Variants in SLC35F4 observed in about 807,000 individuals in gnomAD.
The protein encoded by SLC35F4 is chromosome 14 open reading frame 36.
In SLC35F4, 24 loss-of-function variants were observed where a neutral mutation model predicts 44.2. The observed-to-expected ratio is 0.54, with a 90% CI of 0.39 to 0.76. SLC35F4 has a LOEUF of 0.76. Ranked by LOEUF, SLC35F4 falls within the 30% of genes least tolerant of loss-of-function variation. The pLI, the probability that SLC35F4 is intolerant of heterozygous loss-of-function variation, is 0.00. For missense variants in SLC35F4, 562 were observed against 586.1 expected (o/e 0.96, Z 0.42); for synonymous variants, 238 against 223.6 (o/e 1.06, Z -0.57).
chr14:57,837,398 A>G (rs1343931522), intron 1 of SLC35F4: 2 of 152,306 alleles, frequency 1.3e-5, no homozygotes, highest in East Asian at 3.9e-4. Context: ...GCCACTTTCA[A>G]ATTTCTTGAA....
intron 1 of SLC35F4, among the ~76,000 whole-genome samples, chr14:57,823,514 C>T (rs1883402219): frequency 6.6e-6 from 1 of 152,154 alleles, no homozygotes; most frequent in Admixed American, 6.6e-5. Flanking sequence ...ACGCAAAGCC[C>T]CTGAGGGGCC....
chr14:57,902,703 G>C (rs981008438), intron 1 of SLC35F4, among the ~76,000 whole-genome samples: 1 of 152,142 alleles, frequency 6.6e-6, no homozygotes, highest in Non-Finnish European at 1.5e-5. Context: ...ATAAATGTTA[G>C]AATTAAAAGA....
At chr14:57,899,389 C>T (rs60531498) in intron 1 of SLC35F4, among the ~76,000 whole-genome samples, 5,527 of 148,996 alleles carry the variant, frequency 0.037, 285 homozygotes, top group African/African-American at 0.11. Context: ...AGCAGTACTG[C>T]TCCAGGTGTG....
At chr14:57,848,556 A>T (rs1366964311) in intron 1 of SLC35F4, among the ~76,000 whole-genome samples, 1 of 152,218 alleles carries the variant, frequency 6.6e-6, no homozygotes, top group Non-Finnish European at 1.5e-5. Flanking sequence ...GATTAACGGT[A>T]GAGTCATCAT....
chr14:57,664,658 G>T (rs1016543704), intron 1 of SLC35F4, among the ~76,000 whole-genome samples: 1 of 152,102 alleles, frequency 6.6e-6, no homozygotes, highest in East Asian at 1.9e-4. Flanking sequence ...TAATCCACTT[G>T]CCTCGGCCTC....
intron 1 of SLC35F4, among the ~76,000 whole-genome samples, chr14:57,810,728 G>T (rs1255584987): frequency 1.3e-5 from 2 of 152,200 alleles, no homozygotes; most frequent in African/African-American, 4.8e-5. Flanking sequence ...ATGCAAAAAG[G>T]CCAGGCCTTA....
intron 1 of SLC35F4, among the ~76,000 whole-genome samples, chr14:57,687,194 T>G (rs1453366645): frequency 6.6e-6 from 1 of 152,214 alleles, no homozygotes; most frequent in East Asian, 1.9e-4. Flanking sequence ...CTCCCCAGTC[T>G]GTGATACTTT....
chr14:57,803,239 T>C (rs1004454263), intron 1 of SLC35F4, among the ~76,000 whole-genome samples: 16 of 152,160 alleles, frequency 1.1e-4, no homozygotes, highest in African/African-American at 3.6e-4. Flanking sequence ...AAAAGGCCTT[T>C]GATAAAATCA....
chr14:57,822,441 G>C (rs572926393), intron 1 of SLC35F4, among the ~76,000 whole-genome samples: 1 of 152,274 alleles, frequency 6.6e-6, no homozygotes, highest in African/African-American at 2.4e-5. Flanking sequence ...GACAGTTGCA[G>C]ACCTATGGGA....
At chr14:57,615,356 C>CTTTCT (rs1555361289) in intron 1 of SLC35F4, among the ~76,000 whole-genome samples, 62 of 20,980 alleles carry the variant, frequency 3.0e-3, no homozygotes, top group Middle Eastern at 0.029. Flanking sequence ...AAACATTTTC[C>CTTTCT]TTTTTTTTTT....
intron 1 of SLC35F4, among the ~76,000 whole-genome samples, chr14:57,600,075 T>G (rs2070725887): frequency 6.6e-6 from 1 of 152,166 alleles, no homozygotes; most frequent in African/African-American, 2.4e-5. Flanking sequence ...ACATCCAATA[T>G]TCTGTTTCTA....
At position 57,834,794 on chromosome 14, in the gene SLC35F4, C is replaced by T. The variant is rs113225828; in HGVS notation, c.103+30929G>A. On this transcript the variant is annotated intron_variant, in intron 1 of 7. Coordinates refer to ENST00000556826, the MANE Select transcript of SLC35F4 (RefSeq NM_001306087.2). ...TAACACTTTAGGAGGCCGAGGTAGG[C>T]GGATCACCTGAGGTCAGGAGTTCGA... Among the ~76,000 whole-genome samples the T allele has an allele frequency of 6.2e-4, 95 of 152,286 alleles. 2 individuals carry two copies. The highest frequency in any genetic ancestry group is 1.6e-3 in the African/African-American group (67 of 41,566).
intron 1 of SLC35F4, among the ~76,000 whole-genome samples, chr14:57,913,413 G>A (rs73298653): frequency 0.012 from 1,848 of 150,836 alleles, 37 homozygotes; most frequent in African/African-American, 0.043. Flanking sequence ...TTTTATTTCC[G>A]CCCCTTTCTT....
chr14:57,877,786 G>T (rs1299836348), intron 1 of SLC35F4, among the ~76,000 whole-genome samples: 2 of 137,830 alleles, frequency 1.5e-5, no homozygotes. Flanking sequence ...CTGGGTTCAA[G>T]CTATTCTTCT....
At chr14:57,893,877 A>G (rs532153063) in intron 1 of SLC35F4, among the ~76,000 whole-genome samples, 3 of 151,410 alleles carry the variant, frequency 2.0e-5, no homozygotes, top group East Asian at 1.9e-4. Context: ...GTATATCACA[A>G]TTCAAACCCC....
chr14:57,953,181 T>TTACG (rs377080589), intron 1 of SLC35F4, among the ~76,000 whole-genome samples: 1 of 152,036 alleles, frequency 6.6e-6, no homozygotes, highest in Non-Finnish European at 1.5e-5. Flanking sequence ...TCCAGACAAC[T>TTACG]AAGCTTCATA....
chr14:57,947,269 T>G (rs577039114), intron 1 of SLC35F4, among the ~76,000 whole-genome samples: 32 of 150,876 alleles, frequency 2.1e-4, no homozygotes, highest in African/African-American at 5.6e-4. Context: ...TTTTTTGGTT[T>G]GTTTGTTTGT....
chr14:57,949,920 T>C (rs1178098835), intron 1 of SLC35F4, among the ~76,000 whole-genome samples: 1 of 152,228 alleles, frequency 6.6e-6, no homozygotes, highest in South Asian at 2.1e-4. Flanking sequence ...GGTTTTCCTT[T>C]ATAGGTTGTC....
chr14:57,723,432 T>A (rs2076132640), intron 1 of SLC35F4, among the ~76,000 whole-genome samples: 1 of 152,168 alleles, frequency 6.6e-6, no homozygotes, highest in African/African-American at 2.4e-5. Flanking sequence ...GCAGGGGTGG[T>A]GATTTTCACC....
Sources: gnomAD v4.1 joint callset for allele counts (sites outside exome capture counted in the v4.1 genomes callset) on GRCh38, gnomAD v4.1.1 for gene constraint, MANE v1.5 for transcripts, NCBI Gene and HGNC (gene_info 2026-07-23, HGNC 2026-07-21) for gene names.